RBFOX1: variants seen among roughly 807,000 people sequenced by gnomAD.
The protein encoded by RBFOX1 is RNA binding fox-1 homolog 1.
A neutral mutation model predicts 57.7 loss-of-function variants in RBFOX1; 8 were observed. That is an observed-to-expected ratio of 0.14 (90% CI 0.08 to 0.25). The LOEUF (loss-of-function observed/expected upper bound fraction) is 0.25. Among genes scored for constraint, RBFOX1 ranks in the 10% least tolerant of loss-of-function variants. The probability of loss-of-function intolerance (pLI) is 1.00; values close to 1 mark genes in which losing one functional copy is unlikely to be tolerated. For missense variants in RBFOX1, 611 were observed against 548.5 expected (o/e 1.11, Z -1.14); for synonymous variants, 326 against 222.4 (o/e 1.47, Z -4.15).
intron 3 of RBFOX1, among the ~76,000 whole-genome samples, chr16:5,672,869 G>C (rs1260815688): frequency 6.6e-6 from 1 of 151,722 alleles, no homozygotes; most frequent in African/African-American, 2.4e-5. Context: ...GTGTGTGTGT[G>C]TGTGTGTGTG....
chr16:7,370,928 G>C (rs1367288752), intron 4 of RBFOX1, among the ~76,000 whole-genome samples: 1 of 152,204 alleles, frequency 6.6e-6, no homozygotes, highest in African/African-American at 2.4e-5. Context: ...CAGCCAGGGT[G>C]AGTGGAATAC....
rs745632318 is a variant in RBFOX1 at position 5,665,140 on chromosome 16, G to C, written c.318+66179G>C. Among the ~76,000 whole-genome samples, 11 of 109,700 alleles carry C rather than the reference G, an allele frequency of 1.0e-4. 1 individual carries two copies. The highest frequency in any genetic ancestry group is 2.6e-4 in the Admixed American group (3 of 11,406). 72.0% of individuals were successfully genotyped at this position (109,700 alleles called of 152,430 possible). ...TTTTGATATTTTTACATGGGGGGGG[G>C]CGGTCTTGCTATATTGCCCAGGCTG... On this transcript the variant is annotated intron_variant, in intron 3 of 19. Coordinates refer to the RBFOX1 transcript ENST00000641259.
At chr16:6,052,664 G>A (rs2095565380) in intron 1 of RBFOX1, among the ~76,000 whole-genome samples, 1 of 151,800 alleles carries the variant, frequency 6.6e-6, no homozygotes, top group Non-Finnish European at 1.5e-5. Context: ...GGCGCCTGTA[G>A]TCCCAGCTAC....
chr16:6,627,043 C>T (rs2098319006), intron 2 of RBFOX1, among the ~76,000 whole-genome samples: 2 of 152,330 alleles, frequency 1.3e-5, no homozygotes, highest in African/African-American at 2.4e-5. Flanking sequence ...CATCTGCCTT[C>T]TGAAAGAACC....
At chr16:6,728,664 T>C (rs1209557215) in intron 3 of RBFOX1, among the ~76,000 whole-genome samples, 1 of 152,166 alleles carries the variant, frequency 6.6e-6, no homozygotes, top group African/African-American at 2.4e-5. Flanking sequence ...TTCTGAATAA[T>C]TCAAATAGCA....
chr16:5,885,888 A>C lies in RBFOX1; in HGVS notation c.351+18553A>C, dbSNP rs189573795. Among the ~76,000 whole-genome samples, 250 of 152,060 alleles carry C rather than the reference A, an allele frequency of 1.6e-3. 2 individuals carry two copies. Among genetic ancestry groups the C allele is most frequent in the African/African-American group, 5.9e-3 (244 of 41,470 alleles). Reference sequence around the variant, plus strand: ...CAGGTTGGCTCTGTGACCCCACCCAAATCTCGTGTTGAATTGTAATCCTCG... The same window carrying C: ...CAGGTTGGCTCTGTGACCCCACCCACATCTCGTGTTGAATTGTAATCCTCG... On this transcript the variant is annotated intron_variant, in intron 4 of 19. Transcript: ENST00000641259.
rs138414359 is a variant in RBFOX1 at position 6,881,296 on chromosome 16, C to T, written c.-15-170761C>T. On this transcript the variant is annotated intron_variant, in intron 3 of 15. Coordinates refer to ENST00000550418, the MANE Select transcript of RBFOX1 (RefSeq NM_018723.4). The stretch of plus-strand genomic sequence containing the variant: ...GAGCAAAGGAAGGGGTAAAACCTAT[C>T]GTTGACAATATTAGTTTGCTTGGAC... Among the ~76,000 whole-genome samples the T allele has an allele frequency of 2.0e-3, 298 of 152,304 alleles. 1 individual carries two copies. The highest frequency in any genetic ancestry group is 6.5e-3 in the African/African-American group (272 of 41,560).
intron 4 of RBFOX1, among the ~76,000 whole-genome samples, chr16:7,116,009 C>G (rs1461335450): frequency 1.3e-5 from 2 of 152,124 alleles, no homozygotes; most frequent in Non-Finnish European, 2.9e-5. Context: ...AACCATTGTG[C>G]CAGGCACTGT....
intron 2 of RBFOX1, among the ~76,000 whole-genome samples, chr16:5,587,557 A>G (rs960289710): frequency 1.4e-4 from 21 of 152,224 alleles, no homozygotes; most frequent in Non-Finnish European, 5.9e-5. Context: ...TACTAAAAAT[A>G]CAAAAATTGG....
intron 1 of RBFOX1, among the ~76,000 whole-genome samples, chr16:5,262,447 C>G (rs12325402): frequency 0.32 from 49,214 of 152,056 alleles, 8,197 homozygotes; most frequent in African/African-American, 0.42. Flanking sequence ...CTCTCTTTAC[C>G]TGATTATATT....
intron 1 of RBFOX1, among the ~76,000 whole-genome samples, chr16:6,076,320 G>A (rs1170158069): frequency 2.0e-5 from 3 of 150,010 alleles, no homozygotes; most frequent in South Asian, 4.2e-4. Context: ...AACAACAAAC[G>A]CACAAACACA....
downstream of RBFOX1, among the ~76,000 whole-genome samples, chr16:5,602,999 A>C (rs141200134): frequency 2.0e-5 from 3 of 152,276 alleles, no homozygotes; most frequent in African/African-American, 7.2e-5. Context: ...ACAAGACTAA[A>C]TGTGGCCTTT....
At chr16:5,448,279 G>A (rs1008418825) in intron 1 of RBFOX1, among the ~76,000 whole-genome samples, 5 of 152,076 alleles carry the variant, frequency 3.3e-5, no homozygotes, top group African/African-American at 7.2e-5. Flanking sequence ...CAAAGCTTTC[G>A]ACTCTAAACT....
intron 3 of RBFOX1, among the ~76,000 whole-genome samples, chr16:6,708,135 G>C (rs549445397): frequency 1.3e-5 from 2 of 152,142 alleles, no homozygotes; most frequent in African/African-American, 2.4e-5. Context: ...CAGACACCTG[G>C]CTTGGGGAGC....
intron 4 of RBFOX1, among the ~76,000 whole-genome samples, chr16:5,899,527 C>G (rs8048209): frequency 0.058 from 8,884 of 152,244 alleles, 836 homozygotes; most frequent in African/African-American, 0.2. Context: ...TGGGGCCACT[C>G]TGTGTGAATT....
At chr16:7,597,263 T>C (rs1255570632) in intron 8 of RBFOX1, 108 bp from the exon 9 acceptor site, 3 of 735,986 alleles carry the variant, frequency 4.1e-6, no homozygotes, top group South Asian at 4.5e-5. Context: ...TGCATTTTAC[T>C]TTTTAGTTTT....
At chr16:5,697,813 C>T (rs1020231482) in intron 3 of RBFOX1, among the ~76,000 whole-genome samples, 4 of 152,056 alleles carry the variant, frequency 2.6e-5, no homozygotes, top group East Asian at 3.9e-4. Flanking sequence ...ATTCTTTTTC[C>T]ATCCCTGACA....
intron 1 of RBFOX1, among the ~76,000 whole-genome samples, chr16:5,434,867 C>G (rs770403129): frequency 2.0e-5 from 3 of 151,268 alleles, no homozygotes; most frequent in Non-Finnish European, 4.4e-5. Flanking sequence ...TTTTCACTGG[C>G]TTTACATAGC....
chr16:5,668,673 T>G (rs1378332464), intron 3 of RBFOX1, among the ~76,000 whole-genome samples: 2 of 152,146 alleles, frequency 1.3e-5, no homozygotes, highest in Admixed American at 1.3e-4. Context: ...TCCTCTCCTT[T>G]CCCCTATCAT....
Sources: gnomAD v4.1 joint callset for allele counts (sites outside exome capture counted in the v4.1 genomes callset) on GRCh38, gnomAD v4.1.1 for gene constraint, MANE v1.5 for transcripts, NCBI Gene and HGNC (gene_info 2026-07-23, HGNC 2026-07-21) for gene names.